The following NR2E3 variants were observed in gnomAD, a reference collection of about 807,000 sequenced individuals.
NR2E3 encodes photoreceptor-specific nuclear receptor.
Under a neutral mutation model 37.6 loss-of-function variants are expected in NR2E3, and 38 were observed. That is an observed-to-expected ratio of 1.01 (90% CI 0.78 to 1.33). The LOEUF (loss-of-function observed/expected upper bound fraction) is 1.33. Ranked by LOEUF, NR2E3 falls within the 40% of genes most tolerant of loss-of-function variation. The pLI is 0.00. For missense variants in NR2E3, 562 were observed against 558.7 expected (o/e 1.01, Z -0.06); for synonymous variants, 235 against 225.1 (o/e 1.04, Z -0.39).
At position 71,812,374 on chromosome 15, in the gene NR2E3, T is replaced by A; in HGVS notation, c.610T>A (p.Phe204Ile). The change falls in exon 5 of 8, where the codon TTC becomes ATC. Residue 204 changes from phenylalanine (F) to isoleucine (I), a missense_variant. Physicochemically the swap from Phe to Ile is conservative, Grantham distance 21. Transcript: ENST00000617575. The stretch of plus-strand genomic sequence containing the variant: ...TGATGTCACCAGCAATGACCCTGAG[T>A]TCCCCTCCTCTCCATACTCCTCTTC... ...NIDVTSNDPEFPSSPYSSSSP... is the reference protein window; with the variant it reads ...NIDVTSNDPEIPSSPYSSSSP... The A allele has an allele frequency of 6.2e-7, 1 of 1,613,646 alleles. No homozygotes were observed. Among genetic ancestry groups the A allele is most frequent in the Non-Finnish European group, 8.5e-7 (1 of 1,179,784 alleles).
At position 71,811,978 on chromosome 15, in the gene NR2E3, C is replaced by A. The variant is rs786205493; in HGVS notation, c.373C>A (p.Arg125=). ...QDAVQNERQP[R]STAQVHLDSM... ...AGCCGTGCAGAACGAGCGCCAGCCGCGAAGCACAGCCCAGGTCCACCTGGA... is the reference window on the plus strand; with the variant it reads ...AGCCGTGCAGAACGAGCGCCAGCCGAGAAGCACAGCCCAGGTCCACCTGGA... Residue 125 remains arginine (R), a synonymous_variant, in exon 4 of 8, where the codon CGA becomes AGA. Transcript: ENST00000617575. The surrounding 1 kb of genome is among the most constrained non-coding windows in gnomAD (Gnocchi z 5.6). 13 of 1,552,542 alleles carry A rather than the reference C, an allele frequency of 8.4e-6. No homozygotes were observed. Among genetic ancestry groups the A allele is most frequent in the Non-Finnish European group, 1.1e-5 (13 of 1,148,008 alleles).
In NR2E3 at chr15:71,812,060, C is replaced by T. The variant is rs371853056; in HGVS notation, c.455C>T (p.Pro152Leu). ...RPESLVAPPAPAGRSPRGPTP... is the reference protein window; with the variant it reads ...RPESLVAPPALAGRSPRGPTP... ...GAGTCCCTGGTGGCTCCCCCGGCCCCGGCAGGGCGCAGCCCACGGGGCCCC... is the reference window on the plus strand; with the variant it reads ...GAGTCCCTGGTGGCTCCCCCGGCCCTGGCAGGGCGCAGCCCACGGGGCCCC... Residue 152 changes from proline (P) to leucine (L), a missense_variant, in exon 4 of 8, where the codon CCG (proline) becomes CTG (leucine). Pro to Leu is a moderately conservative substitution (Grantham distance 98). Coordinates refer to ENST00000617575, the MANE Select transcript of NR2E3 (RefSeq NM_014249.4). The T allele has an allele frequency of 6.1e-4, 941 of 1,552,896 alleles. 1 individual carries two copies. The highest frequency in any genetic ancestry group is 8.8e-4 in the Admixed American group (45 of 51,150).
chr15:71,811,443 C>T lies in NR2E3; in HGVS notation c.119-40C>T. Reference sequence around the variant, plus strand: ...GGGGAGCGTGCAGCCCTGCCCCGGCCCAGCCCTGCCCTGGCCCAGCCCTGC... The same window carrying T: ...GGGGAGCGTGCAGCCCTGCCCCGGCTCAGCCCTGCCCTGGCCCAGCCCTGC... On this transcript the variant is annotated intron_variant, in intron 1 of 7. Transcript: ENST00000617575. This position sits in a 1 kb window ranked among gnomAD's most constrained non-coding sequence, Gnocchi z 5.6. 5.4e-6 allele frequency: 8 copies of T among 1,482,842 alleles called. No homozygotes were observed. Among genetic ancestry groups the T allele is most frequent in the Non-Finnish European group, 7.2e-6 (8 of 1,109,698 alleles). 91.9% of individuals were successfully genotyped at this position (1,482,842 alleles called of 1,614,324 possible).
In NR2E3 at chr15:71,811,093, A is replaced by G. The variant is rs930630087; in HGVS notation, c.118+232A>G. Among the ~76,000 whole-genome samples, 1 of 151,962 alleles carries G rather than the reference A, an allele frequency of 6.6e-6. No homozygotes were observed. The highest frequency in any genetic ancestry group is 2.4e-5 in the African/African-American group (1 of 41,338). ...GAGCCAGGACAGGACAGCCTAGCCG[A>G]TGGGGAAGGAAAGAACAGAGAAGCG... is the stretch of plus-strand genomic sequence containing the variant. On this transcript the variant is annotated intron_variant, in intron 1 of 7. Transcript: ENST00000617575. The surrounding 1 kb of genome is among the most constrained non-coding windows in gnomAD (Gnocchi z 5.6).
intron 7 of NR2E3, 105 bp from the exon 8 acceptor site, chr15:71,817,447 A>T: frequency 7.0e-7 from 1 of 1,423,300 alleles, no homozygotes; most frequent in Non-Finnish European, 9.4e-7. Context: ...TGGGGACCTC[A>T]TCTCTCCTCT....
chr15:71,811,688 C>T lies in NR2E3; in HGVS notation c.246-78C>T, dbSNP rs2054182501. On this transcript the variant is annotated intron_variant, in intron 2 of 7. Transcript: ENST00000617575. The surrounding 1 kb of genome is among the most constrained non-coding windows in gnomAD (Gnocchi z 5.6). ...GAGGGGGTGCTCAGGGGAAGAGGGG[C>T]TTGGGCAAAAATGTCCAAGCCCATG... 3 of 1,556,568 alleles carry T rather than the reference C, an allele frequency of 1.9e-6. No individual in the cohort carries two copies. The highest frequency in any genetic ancestry group is 2.6e-6 in the Non-Finnish European group (3 of 1,148,564).
rs753373431 is a variant in NR2E3 at position 71,811,440 on chromosome 15, G to A, written c.119-43G>A. The A allele has an allele frequency of 2.0e-5, 29 of 1,477,084 alleles. No individual in the cohort carries two copies. In the East Asian group the frequency reaches 2.0e-4, roughly 10 times the overall value. 91.5% of individuals were successfully genotyped at this position (1,477,084 alleles called of 1,614,324 possible). ...GGAGGGGAGCGTGCAGCCCTGCCCCGGCCCAGCCCTGCCCTGGCCCAGCCC... is the reference window on the plus strand; with the variant it reads ...GGAGGGGAGCGTGCAGCCCTGCCCCAGCCCAGCCCTGCCCTGGCCCAGCCC... On this transcript the variant is annotated intron_variant, in intron 1 of 7. Coordinates refer to ENST00000617575, the MANE Select transcript of NR2E3 (RefSeq NM_014249.4). This position sits in a 1 kb window ranked among gnomAD's most constrained non-coding sequence, Gnocchi z 5.6.
intron 7 of NR2E3, 157 bp from the exon 8 acceptor site, chr15:71,817,395 G>A (rs2054235380): frequency 3.1e-6 from 3 of 962,570 alleles, no homozygotes; most frequent in African/African-American, 3.2e-5. Context: ...ACCACGCCTG[G>A]CCTGAATGTG....
chr15:71,817,443 C>G, intron 7 of NR2E3, 109 bp from the exon 8 acceptor site: 63 of 1,378,818 alleles, frequency 4.6e-5, no homozygotes, highest in Non-Finnish European at 5.4e-5. Flanking sequence ...ACTCTGGGGA[C>G]CTCATCTCTC....
Position 71,810,804 on chromosome 15 carries a change from G to T in NR2E3, c.61G>T (p.Gly21Trp). 6.3e-7 allele frequency: 1 copy of T among 1,575,806 alleles called. No homozygotes were observed. The highest frequency in any genetic ancestry group is 2.3e-5 in the East Asian group (1 of 42,588). ...STVAAAAPAA[G>W]AASRKESPGR... The stretch of plus-strand genomic sequence containing the variant: ...AGTGGCTGCAGCTGCGCCTGCAGCT[G>T]GGGCTGCCTCCAGGAAGGAGTCTCC... The change falls in exon 1 of 8, where the codon GGG becomes TGG. Residue 21 changes from glycine (G) to tryptophan (W), a missense_variant. Gly to Trp is a radical substitution (Grantham distance 184). Coordinates refer to ENST00000617575, the MANE Select transcript of NR2E3 (RefSeq NM_014249.4).
In NR2E3 at chr15:71,814,048, C is replaced by G. The variant is rs781623501; in HGVS notation, c.1031C>G (p.Ala344Gly). The change falls in exon 7 of 8, where the codon GCC (alanine) becomes GGC (glycine). Residue 344 changes from alanine (A) to glycine (G), a missense_variant. Ala to Gly is a moderately conservative substitution (Grantham distance 60). Coordinates refer to ENST00000617575, the MANE Select transcript of NR2E3 (RefSeq NM_014249.4). The stretch of plus-strand genomic sequence containing the variant: ...CTGAAGGATCCTGAGCACGTAGAGG[C>G]CTTGCAGGACCAGTCCCAAGTGATG... ...RGLKDPEHVE[A>G]LQDQSQVMLS... The G allele has an allele frequency of 6.2e-7, 1 of 1,612,818 alleles. No individual in the cohort carries two copies. The highest frequency in any genetic ancestry group is 1.1e-5 in the South Asian group (1 of 90,714).
At chr15:71,817,101 CT>C (rs1555454986) in intron 7 of NR2E3, among the ~76,000 whole-genome samples, 151 of 80,912 alleles carry the variant, frequency 1.9e-3, no homozygotes, top group Non-Finnish European at 1.8e-3. Flanking sequence ...TTTCTTTTTT[CT>C]TTTTTTTTTT....
chr15:71,812,242 G>A (rs2054190527), intron 4 of NR2E3, 66 bp downstream of exon 4: 30 of 1,608,052 alleles, frequency 1.9e-5, no homozygotes, highest in African/African-American at 2.7e-5. Context: ...GGGCTGCAGC[G>A]CCTTGCCTTG....
intron 7 of NR2E3, among the ~76,000 whole-genome samples, chr15:71,816,287 GTC>G (rs1242623613): frequency 4.9e-5 from 7 of 142,850 alleles, no homozygotes; most frequent in African/African-American, 1.8e-4. Context: ...TTGAGACGGA[GTC>G]TCTCTCTGTC....
chr15:71,817,762 C>T lies in NR2E3; in HGVS notation c.*78C>T. 1.4e-6 allele frequency: 2 copies of T among 1,398,854 alleles called. No individual in the cohort carries two copies. The highest frequency in any genetic ancestry group is 9.8e-7 in the Non-Finnish European group (1 of 1,016,496). 86.7% of individuals were successfully genotyped at this position (1,398,854 alleles called of 1,614,324 possible). ...CGAAACATTTGCCTACTCTTTGCCC[C>T]AGCAATTCCTCGTAGGTGTGTGTAC... On this transcript the variant is annotated 3_prime_UTR_variant, in exon 8 of 8. Coordinates refer to ENST00000617575, the MANE Select transcript of NR2E3 (RefSeq NM_014249.4).
rs768445090 is a variant in NR2E3 at position 71,812,291 on chromosome 15, C to T, written c.572-45C>T. 1.1e-5 allele frequency: 18 copies of T among 1,613,270 alleles called. No individual in the cohort carries two copies. The South Asian group carries it at 2.0e-4, about 18-fold the overall frequency. On this transcript the variant is annotated intron_variant, in intron 4 of 7. Coordinates refer to ENST00000617575, the MANE Select transcript of NR2E3 (RefSeq NM_014249.4). ...CGGGGCTCCAAGTACTCCCTGCCAC[C>T]TCCCGAGAAGCAGGCGCTAAGATCA...
At chr15:71,814,885 C>T (rs752358225) in intron 7 of NR2E3, 22 of 985,434 alleles carry the variant, frequency 2.2e-5, no homozygotes, top group African/African-American at 5.2e-5. Context: ...GGGTCAGACC[C>T]GGTGTTTGGG....
chr15:71,812,751 A>G (rs2054196003), intron 5 of NR2E3, among the ~76,000 whole-genome samples: 1 of 152,064 alleles, frequency 6.6e-6, no homozygotes, highest in Admixed American at 6.6e-5. Flanking sequence ...CACACCTAGG[A>G]GATGATGATG....
At position 71,817,806 on chromosome 15, in the gene NR2E3, G is replaced by A; in HGVS notation, c.*122G>A. 1.1e-5 allele frequency: 9 copies of A among 788,210 alleles called. No individual in the cohort carries two copies. The highest frequency in any genetic ancestry group is 1.8e-5 in the Non-Finnish European group (9 of 512,018). The allele number at this position is 788,210 out of a possible 1,614,324, so 48.8% of individuals were successfully genotyped here. ...TGTGTACCCAGCAGAAATGCCCACC[G>A]AAAGATATTGTAAGAATATTCATAG... On this transcript the variant is annotated 3_prime_UTR_variant, in exon 8 of 8. Coordinates refer to ENST00000617575, the MANE Select transcript of NR2E3 (RefSeq NM_014249.4).
Sources: allele counts gnomAD v4.1 joint callset (sites outside exome capture counted in the v4.1 genomes callset), GRCh38; gene constraint gnomAD v4.1.1; non-coding constraint Gnocchi (gnomAD v3.1); transcripts MANE v1.5; gene names NCBI Gene and HGNC (gene_info 2026-07-23, HGNC 2026-07-21).